Variants in ACSS3 observed in about 807,000 individuals in gnomAD.
The protein encoded by ACSS3 is acyl-CoA synthetase short chain family member 3, also known as acyl-CoA synthetase short-chain family member 3, mitochondrial.
A neutral mutation model predicts 84.2 loss-of-function variants in ACSS3; 64 were observed. The ratio of observed to expected loss-of-function variants is 0.76; its 90% CI spans 0.62 to 0.94. The LOEUF is 0.94. Ranked by LOEUF, ACSS3 falls within the 40% of genes least tolerant of loss-of-function variation. The pLI, the probability that ACSS3 is intolerant of heterozygous loss-of-function variation, is 0.00. For synonymous variants in ACSS3, 317 were observed against 310.1 expected, an observed-to-expected ratio of 1.02 and a Z score of -0.23; for missense variants, 815 against 867.6, an observed-to-expected ratio of 0.94 and a Z score of 0.76.
chr12:81,105,522 T>C (rs1882911467), intron 1 of ACSS3, among the ~76,000 whole-genome samples: 1 of 152,222 alleles, frequency 6.6e-6, no homozygotes, highest in South Asian at 2.1e-4. Flanking sequence ...TATGGCTTTC[T>C]CCAATTCCTA....
chr12:81,082,543 T>A (rs1881053508), intron 1 of ACSS3, among the ~76,000 whole-genome samples: 1 of 152,008 alleles, frequency 6.6e-6, no homozygotes, highest in Non-Finnish European at 1.5e-5. Context: ...GAGGTAGACA[T>A]GTTTAGTAAG....
At chr12:81,229,986 A>G (rs545067612) in intron 11 of ACSS3, among the ~76,000 whole-genome samples, 1 of 151,970 alleles carries the variant, frequency 6.6e-6, no homozygotes, top group African/African-American at 2.4e-5. Flanking sequence ...TGAGGTGGCC[A>G]TGTGACCACA....
At chr12:81,144,893 T>G (rs1886252291) in intron 5 of ACSS3, among the ~76,000 whole-genome samples, 1 of 132,834 alleles carries the variant, frequency 7.5e-6, no homozygotes, top group South Asian at 2.5e-4. Flanking sequence ...GGTTTTCTTT[T>G]TTTTCTTTTC....
At chr12:81,144,851 G>C (rs1886248919) in intron 5 of ACSS3, among the ~76,000 whole-genome samples, 1 of 150,350 alleles carries the variant, frequency 6.7e-6, no homozygotes, top group African/African-American at 2.4e-5. Context: ...TTGAAAAGTG[G>C]TTCCAAATAA....
At chr12:81,100,952 G>T (rs1156515270) in intron 1 of ACSS3, among the ~76,000 whole-genome samples, 1 of 152,174 alleles carries the variant, frequency 6.6e-6, no homozygotes, top group Non-Finnish European at 1.5e-5. Context: ...TCTTACAAAT[G>T]CCTAGAAGGA....
intron 2 of ACSS3, among the ~76,000 whole-genome samples, chr12:81,127,576 A>T (rs575238089): frequency 3.6e-4 from 55 of 152,302 alleles, no homozygotes; most frequent in African/African-American, 1.3e-3. Context: ...ATTTATCCAT[A>T]CTTTTAGTAA....
intron 1 of ACSS3, among the ~76,000 whole-genome samples, chr12:81,079,850 T>C (rs1880858140): frequency 6.6e-6 from 1 of 152,182 alleles, no homozygotes; most frequent in South Asian, 2.1e-4. Context: ...TGGAAATAAT[T>C]GGAGGCTTAA....
intron 3 of ACSS3, among the ~76,000 whole-genome samples, chr12:81,136,607 A>G (rs1253870934): frequency 6.6e-6 from 1 of 152,096 alleles, no homozygotes; most frequent in Non-Finnish European, 1.5e-5. Flanking sequence ...AGGCAGAAAA[A>G]GAATCTGAGT....
chr12:81,186,840 A>G, intron 8 of ACSS3, among the ~76,000 whole-genome samples: 1 of 151,890 alleles, frequency 6.6e-6, no homozygotes, highest in Middle Eastern at 3.2e-3. Context: ...CATATGATCC[A>G]GCAATCCGTC....
chr12:81,189,484 AT>A (rs996058907), intron 8 of ACSS3, among the ~76,000 whole-genome samples: 3 of 152,030 alleles, frequency 2.0e-5, no homozygotes, highest in Non-Finnish European at 2.9e-5. Flanking sequence ...CCTTTTAATA[AT>A]TTTTTGGCCA....
chr12:81,170,148 G>A (rs1200820534), intron 7 of ACSS3, among the ~76,000 whole-genome samples: 1 of 152,042 alleles, frequency 6.6e-6, no homozygotes, highest in Non-Finnish European at 1.5e-5. Context: ...TTTGCCCAAA[G>A]ATTTAACTCT....
At chr12:81,119,682 T>C (rs1884399920) in intron 2 of ACSS3, among the ~76,000 whole-genome samples, 1 of 152,188 alleles carries the variant, frequency 6.6e-6, no homozygotes, top group Non-Finnish European at 1.5e-5. Flanking sequence ...TATGGCTCTA[T>C]TCTGCCTGAC....
At chr12:81,098,898 A>G (rs1238713751) in intron 1 of ACSS3, among the ~76,000 whole-genome samples, 1 of 152,142 alleles carries the variant, frequency 6.6e-6, no homozygotes, top group Admixed American at 6.5e-5. Context: ...AATTTGCCAC[A>G]TTTTGCATCT....
chr12:81,228,159 T>C (rs73346721), intron 11 of ACSS3, among the ~76,000 whole-genome samples: 1,603 of 151,982 alleles, frequency 0.011, 32 homozygotes, highest in African/African-American at 0.036. Context: ...ACAGAGGTTT[T>C]AATATTTGGT....
At position 81,253,603 on chromosome 12, in the gene ACSS3, C is replaced by T. The variant is rs1331201644; in HGVS notation, c.1928C>T (p.Pro643Leu). The change falls in exon 15 of 16, where the codon CCC (proline) becomes CTC (leucine). Residue 643 changes from proline to leucine, a missense_variant. Coordinates refer to ENST00000548058, the MANE Select transcript of ACSS3 (RefSeq NM_024560.4). ...FRNAVFVKQL[P>L]KTRSGKIPRS... is the part of the protein sequence containing the mutation. ...AATGCAGTGTTTGTCAAACAGCTAC[C>T]CAAAACCAGATCTGGCAAGATCCCC... The T allele has an allele frequency of 1.9e-6, 3 of 1,613,938 alleles. No homozygotes were observed. In the Admixed American group the frequency reaches 5.0e-5, roughly 27 times the overall value.
At chr12:81,112,075 G>A (rs1883645818) in intron 2 of ACSS3, among the ~76,000 whole-genome samples, 1 of 152,094 alleles carries the variant, frequency 6.6e-6, no homozygotes, top group Non-Finnish European at 1.5e-5. Flanking sequence ...TTCTTACGAG[G>A]CTGCATTCCA....
At chr12:81,234,736 T>A (rs999648704) in intron 13 of ACSS3, among the ~76,000 whole-genome samples, 3 of 151,470 alleles carry the variant, frequency 2.0e-5, no homozygotes, top group Middle Eastern at 3.2e-3. Context: ...CCCATTTTTT[T>A]AAATTGGACT....
At chr12:81,243,901 T>A (rs577859567) in intron 13 of ACSS3, among the ~76,000 whole-genome samples, 1 of 152,350 alleles carries the variant, frequency 6.6e-6, no homozygotes, top group East Asian at 1.9e-4. Flanking sequence ...ATAATTTTTT[T>A]ATTTTACATT....
intron 7 of ACSS3, among the ~76,000 whole-genome samples, chr12:81,166,829 G>A (rs1887426132): frequency 2.0e-5 from 3 of 152,342 alleles, no homozygotes; most frequent in Admixed American, 2.0e-4. Context: ...ATCGTAGTAT[G>A]CATATGGAAT....
Sources: allele counts gnomAD v4.1 joint callset (sites outside exome capture counted in the v4.1 genomes callset), GRCh38; gene constraint gnomAD v4.1.1; transcripts MANE v1.5; gene names NCBI Gene and HGNC (gene_info 2026-07-23, HGNC 2026-07-21).